Variants in LYST observed in about 807,000 individuals in gnomAD.
The protein encoded by LYST is lysosomal trafficking regulator, also known as lysosomal-trafficking regulator.
Under a neutral mutation model 413.6 loss-of-function variants are expected in LYST, and 192 were observed. The observed-to-expected ratio is 0.46, with a 90% CI of 0.41 to 0.52. The LOEUF is 0.52. Ranked by LOEUF, LYST falls within the 20% of genes least tolerant of loss-of-function variation. The probability of loss-of-function intolerance (pLI) is 0.00; values close to 1 mark genes in which losing one functional copy is unlikely to be tolerated. For synonymous variants in LYST, 1,525 were observed against 1,567.3 expected (o/e 0.97, Z 0.64); for missense variants, 3,815 against 4,499.9 (o/e 0.85, Z 4.35).
intron 2 of LYST, among the ~76,000 whole-genome samples, chr1:235,832,653 T>A (rs1038968606): frequency 6.6e-6 from 1 of 152,142 alleles, no homozygotes; most frequent in Non-Finnish European, 1.5e-5. Flanking sequence ...TATATAGCAT[T>A]ATATTATAGT....
intron 4 of LYST, among the ~76,000 whole-genome samples, chr1:235,812,546 G>GAAAAACTAAGCTAAAACAAAT (rs1424013258): frequency 1.3e-5 from 2 of 149,918 alleles, no homozygotes; most frequent in Admixed American, 6.6e-5. Flanking sequence ...GGCAACACTA[G>GAAAAACTAAGCTAAAACAAAT]AAAAACTAAG....
intron 5 of LYST, 64 bp downstream of exon 5, chr1:235,808,391 A>G: frequency 6.8e-7 from 1 of 1,470,130 alleles, no homozygotes; most frequent in Non-Finnish European, 9.4e-7. Flanking sequence ...GAAAGCATCC[A>G]ATGAAAAAGA....
chr1:235,739,477 G>A (rs576043087), intron 31 of LYST, among the ~76,000 whole-genome samples: 1 of 151,886 alleles, frequency 6.6e-6, no homozygotes, highest in Admixed American at 6.6e-5. Context: ...TGTTCCAAAG[G>A]ATCTTATTTT....
At chr1:235,726,986 A>G (rs1663938830) in intron 38 of LYST, among the ~76,000 whole-genome samples, 1 of 152,210 alleles carries the variant, frequency 6.6e-6, no homozygotes, top group African/African-American at 2.4e-5. Flanking sequence ...TATCTGGGAC[A>G]TACCCTGTGG....
At chr1:235,770,125 A>G (rs1291121571) in intron 20 of LYST, 35 bp downstream of exon 20, 14 of 1,606,428 alleles carry the variant, frequency 8.7e-6, no homozygotes, top group Non-Finnish European at 1.0e-5. Context: ...CAACTGTGGA[A>G]TATATTTCCA....
chr1:235,861,700 G>A (rs1679894812), intron 1 of LYST, among the ~76,000 whole-genome samples: 1 of 152,182 alleles, frequency 6.6e-6, no homozygotes, highest in Non-Finnish European at 1.5e-5. Flanking sequence ...TTGCTGTGTT[G>A]CCCAGGCTGG....
Position 235,854,323 on chromosome 1 carries a change from T to C in LYST, c.-98+12520A>G, listed in dbSNP as rs1328233161. Among the ~76,000 whole-genome samples the C allele has an allele frequency of 6.6e-6, 1 of 152,222 alleles. No individual in the cohort carries two copies. The highest frequency in any genetic ancestry group is 1.5e-5 in the Non-Finnish European group (1 of 68,044). ...TGCTCAAAGTCACAGAGTTACTAAG[T>C]GTCAGGGCCAGGATTCAGACTCATG... On this transcript the variant is annotated intron_variant, in intron 1 of 52. Transcript: ENST00000389793. The surrounding 1 kb of genome is among the most constrained non-coding windows in gnomAD (Gnocchi z 4.1).
chr1:235,672,829 T>C (rs1390704799), intron 50 of LYST, among the ~76,000 whole-genome samples: 1 of 152,208 alleles, frequency 6.6e-6, no homozygotes, highest in Non-Finnish European at 1.5e-5. Flanking sequence ...GGTTGCCTTA[T>C]TTAAATTCCA....
At position 235,677,054 on chromosome 1, in the gene LYST, C is replaced by T. The variant is rs376443524; in HGVS notation, c.11038+37G>A. On this transcript the variant is annotated intron_variant, in intron 50 of 52. Transcript: ENST00000389793. ...ACTGGCCGAATGCGCTGTTAGAGCA[C>T]CAGCCAGCCCTGTGCTTTGGGTTGG... is the stretch of plus-strand genomic sequence containing the variant. The T allele has an allele frequency of 1.2e-5, 18 of 1,493,542 alleles. No individual in the cohort carries two copies. The African/African-American group carries it at 2.5e-4, about 21-fold the overall frequency. The allele number at this position is 1,493,542 out of a possible 1,614,324, so 92.5% of individuals were successfully genotyped here.
chr1:235,839,264 G>GTT lies in LYST; in HGVS notation c.-97-5599_-97-5598dup, dbSNP rs11451182. 1.3e-3 allele frequency among the ~76,000 whole-genome samples: 201 copies of GTT among 149,024 alleles called. 2 individuals carry two copies. The highest frequency in any genetic ancestry group is 3.8e-3 in the African/African-American group (153 of 40,626). On this transcript the variant is annotated intron_variant, in intron 1 of 52. Transcript: ENST00000389793. ...GTATGTGTGCATATATATATATACA[G>GTT]TTTTTTTTTTGAGACAGAATCTCGC...
rs754952723 is a variant in LYST at position 235,726,491 on chromosome 1, AAAT to A, written c.9162+1582_9162+1584del. The stretch of plus-strand genomic sequence containing the variant: ...GGTACTCTGCTAAGTGCTCTGCATG[AAAT>A]ACATCTGTATGGGTCAAAAAGGGGG... On this transcript the variant is annotated intron_variant, in intron 38 of 52. Transcript: ENST00000389793. Among the ~76,000 whole-genome samples the A allele has an allele frequency of 5.5e-3, 841 of 152,324 alleles. 3 individuals carry two copies. The highest frequency in any genetic ancestry group is 0.02 in the Middle Eastern group (6 of 294).
chr1:235,808,328 C>T, intron 5 of LYST, 127 bp downstream of exon 5: 2 of 760,732 alleles, frequency 2.6e-6, no homozygotes, highest in Non-Finnish European at 4.3e-6. Context: ...GCTGCCAAAG[C>T]CCTGGAGATA....
chr1:235,776,955 A>T, intron 17 of LYST, 108 bp downstream of exon 17: 2 of 891,620 alleles, frequency 2.2e-6, no homozygotes, highest in Non-Finnish European at 3.5e-6. Context: ...TTAAAAGTTT[A>T]ATATAGTCGA....
rs765942825 is a variant in LYST, at chr1:235,731,225, T to C, written c.8802-48A>G. 3 of 1,558,524 alleles carry C rather than the reference T, an allele frequency of 1.9e-6. No homozygotes were observed. The Admixed American group carries it at 5.0e-5, about 26-fold the overall frequency. ...GTGTTTTAAGTGACCATCCAGGACT[T>C]GTAGCTATAAAAAAAATCATTATAG... is the stretch of plus-strand genomic sequence containing the variant. On this transcript the variant is annotated intron_variant, in intron 34 of 52. Coordinates refer to ENST00000389793, the MANE Select transcript of LYST (RefSeq NM_000081.4).
chr1:235,668,270 T>C (rs1658664474), intron 50 of LYST, among the ~76,000 whole-genome samples: 1 of 152,140 alleles, frequency 6.6e-6, no homozygotes, highest in African/African-American at 2.4e-5. Flanking sequence ...AAATTTTTGA[T>C]AGGTTAAATC....
Position 235,777,269 on chromosome 1 carries a change from G to A in LYST, c.5254C>T (p.Gln1752Ter). 2.5e-6 allele frequency: 4 copies of A among 1,612,228 alleles called. No homozygotes were observed. Among genetic ancestry groups the A allele is most frequent in the Non-Finnish European group, 3.4e-6 (4 of 1,178,488 alleles). The change falls in exon 17 of 53, where the codon CAG becomes TAG. Residue 1752 changes from glutamine to a stop codon, truncating the protein, a stop_gained. Coordinates refer to ENST00000389793, the MANE Select transcript of LYST (RefSeq NM_000081.4). LOFTEE classifies it high-confidence loss of function. ...SVVYTTYCPA[Q>*]YTIYEPVIRL... ...ATCACTGGTTCATAGATGGTATACT[G>A]AGCAGGACAGTAAGTTGTATAAACA...
chr1:235,709,903 C>T (rs544596889), intron 43 of LYST, among the ~76,000 whole-genome samples: 1 of 139,858 alleles, frequency 7.2e-6, no homozygotes, highest in Admixed American at 6.8e-5. Flanking sequence ...AAAATTATCC[C>T]AACACAGGAA....
intron 10 of LYST, among the ~76,000 whole-genome samples, chr1:235,794,129 G>A (rs1403829729): frequency 1.3e-5 from 2 of 152,096 alleles, no homozygotes; most frequent in Non-Finnish European, 2.9e-5. Flanking sequence ...TACCATGTCT[G>A]GCCAGCATGA....
chr1:235,828,027 A>G (rs902022175), intron 3 of LYST: 10 of 442,160 alleles, frequency 2.3e-5, no homozygotes, highest in African/African-American at 1.9e-4. Flanking sequence ...AAAATGCTCA[A>G]CATCATTAGT....
Sources: allele counts gnomAD v4.1 joint callset (sites outside exome capture counted in the v4.1 genomes callset), GRCh38; gene constraint gnomAD v4.1.1; non-coding constraint Gnocchi (gnomAD v3.1); transcripts MANE v1.5; gene names NCBI Gene and HGNC (gene_info 2026-07-23, HGNC 2026-07-21).